Variants in DPP10 observed in about 807,000 individuals in gnomAD.
DPP10 encodes inactive dipeptidyl peptidase 10.
In DPP10, 33 loss-of-function variants were observed where a neutral mutation model predicts 120.9. The ratio of observed to expected loss-of-function variants is 0.27; its 90% CI spans 0.21 to 0.37. The LOEUF is 0.37. Among genes scored for constraint, DPP10 ranks in the 10% least tolerant of loss-of-function variants. The pLI is 1.00. For missense variants in DPP10, 816 were observed against 942.8 expected (o/e 0.87, Z 1.76); for synonymous variants, 337 against 326.1 (o/e 1.03, Z -0.36).
intron 1 of DPP10, among the ~76,000 whole-genome samples, chr2:115,258,502 A>C (rs1304546501): frequency 6.6e-6 from 1 of 152,196 alleles, no homozygotes; most frequent in Non-Finnish European, 1.5e-5. Context: ...AAATCTTTAA[A>C]ATGTTGTTAA....
At chr2:114,604,018 A>G (rs1692587032) in intron 1 of DPP10, among the ~76,000 whole-genome samples, 1 of 152,058 alleles carries the variant, frequency 6.6e-6, no homozygotes, top group African/African-American at 2.4e-5. Flanking sequence ...TCCTAGAGTC[A>G]TCCTCCGGTG....
At chr2:115,315,243 A>G (rs1358689648) in intron 2 of DPP10, among the ~76,000 whole-genome samples, 1 of 151,752 alleles carries the variant, frequency 6.6e-6, no homozygotes, top group African/African-American at 2.4e-5. Flanking sequence ...AAATATTCAT[A>G]TGCCTGCACA....
intron 3 of DPP10, among the ~76,000 whole-genome samples, chr2:115,399,836 G>A (rs924106967): frequency 2.0e-5 from 3 of 151,618 alleles, no homozygotes. Flanking sequence ...TTACTGGCTT[G>A]TATTAGCTTG....
At chr2:115,438,503 T>G (rs2071710913) in intron 3 of DPP10, among the ~76,000 whole-genome samples, 1 of 152,180 alleles carries the variant, frequency 6.6e-6, no homozygotes, top group Non-Finnish European at 1.5e-5. Context: ...AGATGTTTAT[T>G]GATGGATGAA....
intron 1 of DPP10, among the ~76,000 whole-genome samples, chr2:115,072,085 A>C (rs1405762196): frequency 6.6e-6 from 1 of 152,224 alleles, no homozygotes; most frequent in Non-Finnish European, 1.5e-5. Context: ...ACACTGTAGA[A>C]TTCAGCAATA....
chr2:115,672,821 A>G (rs1353592329), intron 5 of DPP10, among the ~76,000 whole-genome samples: 3 of 151,174 alleles, frequency 2.0e-5, no homozygotes, highest in African/African-American at 7.3e-5. Context: ...ATCTTGGTTC[A>G]CTGCAACCTC....
At chr2:114,946,326 A>G (rs888141405) in intron 1 of DPP10, among the ~76,000 whole-genome samples, 2 of 152,154 alleles carry the variant, frequency 1.3e-5, no homozygotes, top group African/African-American at 4.8e-5. Flanking sequence ...ATTTAACACT[A>G]TTCTTTAAAA....
intron 1 of DPP10, among the ~76,000 whole-genome samples, chr2:114,913,127 C>T (rs1200280541): frequency 6.6e-6 from 1 of 152,206 alleles, no homozygotes; most frequent in Non-Finnish European, 1.5e-5. Context: ...AAGATGCTTA[C>T]CGGCAGCCAT....
At chr2:115,682,526 A>G (rs2090730663) in intron 5 of DPP10, among the ~76,000 whole-genome samples, 1 of 151,942 alleles carries the variant, frequency 6.6e-6, no homozygotes, top group Admixed American at 6.6e-5. Context: ...TTTCTATAAT[A>G]TAATAAGCTT....
chr2:114,932,212 C>T (rs953851309), intron 1 of DPP10, among the ~76,000 whole-genome samples: 2 of 152,218 alleles, frequency 1.3e-5, no homozygotes, highest in Non-Finnish European at 2.9e-5. Flanking sequence ...CTCCAGGTGA[C>T]TCTGATAGAC....
chr2:115,178,665 C>T (rs1049475473), intron 1 of DPP10, among the ~76,000 whole-genome samples: 1 of 152,182 alleles, frequency 6.6e-6, no homozygotes, highest in African/African-American at 2.4e-5. Context: ...CTTAACCTCT[C>T]TGAACCTCAG....
chr2:114,728,390 TTA>T (rs1676556454), intron 1 of DPP10, among the ~76,000 whole-genome samples: 1 of 152,146 alleles, frequency 6.6e-6, no homozygotes, highest in African/African-American at 2.4e-5. Context: ...CCTTTTCTAG[TTA>T]TGTGACCCTG....
At chr2:115,118,142 C>T (rs2049622534) in intron 1 of DPP10, among the ~76,000 whole-genome samples, 2 of 152,182 alleles carry the variant, frequency 1.3e-5, no homozygotes, top group Admixed American at 6.5e-5. Context: ...CTAGATGTTA[C>T]TGTTGATCCC....
At chr2:115,093,139 C>T (rs774057867) in intron 1 of DPP10, among the ~76,000 whole-genome samples, 4 of 152,192 alleles carry the variant, frequency 2.6e-5, no homozygotes, top group Non-Finnish European at 5.9e-5. Context: ...AAAGATCCCT[C>T]ACTTGGAGAT....
chr2:114,487,879 G>A (rs771488260), intron 1 of DPP10, among the ~76,000 whole-genome samples: 1 of 152,152 alleles, frequency 6.6e-6, no homozygotes, highest in African/African-American at 2.4e-5. Flanking sequence ...ATTTCTAGAT[G>A]AGTAATCACA....
intron 8 of DPP10, among the ~76,000 whole-genome samples, chr2:115,728,446 T>C (rs1030688217): frequency 2.6e-5 from 4 of 152,152 alleles, no homozygotes; most frequent in Non-Finnish European, 4.4e-5. Flanking sequence ...TAGTAATAGC[T>C]GAGAATATAA....
chr2:115,043,156 T>A (rs1704795074), intron 1 of DPP10, among the ~76,000 whole-genome samples: 1 of 151,980 alleles, frequency 6.6e-6, no homozygotes, highest in African/African-American at 2.4e-5. Context: ...TTAGAGCCTC[T>A]GACTGATACT....
chr2:114,565,880 C>T (rs1176812000), intron 1 of DPP10, among the ~76,000 whole-genome samples: 1 of 152,098 alleles, frequency 6.6e-6, no homozygotes, highest in African/African-American at 2.4e-5. Context: ...AGAATAGATT[C>T]ATTCATTCAT....
intron 1 of DPP10, among the ~76,000 whole-genome samples, chr2:114,914,529 C>T (rs775628759): frequency 6.6e-6 from 1 of 152,158 alleles, no homozygotes; most frequent in Non-Finnish European, 1.5e-5. Context: ...ATTACCACCA[C>T]CTGCCCTTAC....
Sources: gnomAD v4.1 joint callset for allele counts (sites outside exome capture counted in the v4.1 genomes callset) on GRCh38, gnomAD v4.1.1 for gene constraint, MANE v1.5 for transcripts, NCBI Gene and HGNC (gene_info 2026-07-23, HGNC 2026-07-21) for gene names.